Variants in ADAMTS17 observed in about 807,000 individuals in gnomAD.
ADAMTS17 encodes the protein ADAM metallopeptidase with thrombospondin type 1 motif 17.
In ADAMTS17, 113 loss-of-function variants were observed where a neutral mutation model predicts 141.5. The observed-to-expected ratio is 0.80, with a 90% confidence interval of 0.69 to 0.93. The LOEUF (loss-of-function observed/expected upper bound fraction) is 0.93. ADAMTS17 is among the 40% of genes least tolerant of loss of function. The pLI is 0.00. For missense variants in ADAMTS17, 1,659 were observed against 1,517.9 expected (o/e 1.09, Z -1.54); for synonymous variants, 768 against 630.6 (o/e 1.22, Z -3.27).
At position 100,194,903 on chromosome 15, in the gene ADAMTS17, G is replaced by A. The variant is rs188809078; in HGVS notation, c.1181+4415C>T. ...TGTAGCCATCTTCCCATGTGCAGGG[G>A]CTGCTGCTTTCTAACGGCCACCGCA... On this transcript the variant is annotated intron_variant, in intron 8 of 21. Coordinates refer to ENST00000268070, the MANE Select transcript of ADAMTS17 (RefSeq NM_139057.4). Among the ~76,000 whole-genome samples, 60 of 152,310 alleles carry A rather than the reference G, an allele frequency of 3.9e-4. No individual in the cohort carries two copies. In the East Asian group the frequency reaches 7.1e-3, roughly 18 times the overall value.
intron 3 of ADAMTS17, among the ~76,000 whole-genome samples, chr15:100,321,953 T>C (rs778159552): frequency 1.3e-5 from 2 of 152,226 alleles, no homozygotes; most frequent in African/African-American, 2.4e-5. Context: ...AAAACATCTA[T>C]GTTCTAGGCC....
At chr15:100,185,583 C>T (rs1287623987) in intron 8 of ADAMTS17, among the ~76,000 whole-genome samples, 1 of 152,200 alleles carries the variant, frequency 6.6e-6, no homozygotes, top group Non-Finnish European at 1.5e-5. Flanking sequence ...TCAACACTTC[C>T]CATTGCTTCT....
chr15:100,087,221 TA>T (rs1169142830), intron 15 of ADAMTS17, among the ~76,000 whole-genome samples: 1 of 152,098 alleles, frequency 6.6e-6, no homozygotes, highest in Non-Finnish European at 1.5e-5. Context: ...TCTACACAAA[TA>T]AACTAGAAAA....
intron 8 of ADAMTS17, among the ~76,000 whole-genome samples, chr15:100,166,803 C>T (rs1336638013): frequency 1.3e-5 from 2 of 152,130 alleles, no homozygotes; most frequent in Non-Finnish European, 2.9e-5. Flanking sequence ...CAATTTAAGG[C>T]GTAGTTGTTC....
chr15:100,307,594 A>G (rs2045267224), intron 3 of ADAMTS17, among the ~76,000 whole-genome samples: 2 of 152,348 alleles, frequency 1.3e-5, no homozygotes, highest in South Asian at 4.1e-4. Flanking sequence ...GGGCTAAGCA[A>G]TGCAGACCTC....
chr15:100,061,470 C>G (rs1258288407), intron 15 of ADAMTS17, among the ~76,000 whole-genome samples: 3 of 152,154 alleles, frequency 2.0e-5, no homozygotes, highest in African/African-American at 7.2e-5. Flanking sequence ...GCTTCAGGAG[C>G]TGAGGGACGA....
chr15:100,112,236 C>G (rs190193921), intron 13 of ADAMTS17, among the ~76,000 whole-genome samples: 1 of 152,288 alleles, frequency 6.6e-6, no homozygotes, highest in East Asian at 1.9e-4. Flanking sequence ...GAGCCTTGCA[C>G]GAAGGAACGC....
chr15:100,134,070 T>C (rs1031095522), intron 10 of ADAMTS17, among the ~76,000 whole-genome samples: 1 of 152,216 alleles, frequency 6.6e-6, no homozygotes, highest in Non-Finnish European at 1.5e-5. Flanking sequence ...ATCAAAATCA[T>C]GAAAGCAGAC....
chr15:100,018,380 C>G (rs892899), intron 18 of ADAMTS17, among the ~76,000 whole-genome samples: 85,393 of 152,130 alleles, frequency 0.56, 27,679 homozygotes, highest in Non-Finnish European at 0.74. Context: ...GGCTCTGGGC[C>G]CTCACCCAAA....
chr15:100,228,095 G>A (rs1313001073), intron 7 of ADAMTS17, among the ~76,000 whole-genome samples: 1 of 152,148 alleles, frequency 6.6e-6, no homozygotes, highest in African/African-American at 2.4e-5. Flanking sequence ...CCTCCTTCAT[G>A]TTCCTCAAAT....
chr15:100,017,398 T>C (rs1406603975), intron 18 of ADAMTS17, among the ~76,000 whole-genome samples: 1 of 152,210 alleles, frequency 6.6e-6, no homozygotes, highest in Non-Finnish European at 1.5e-5. Flanking sequence ...CTTGCCCGGT[T>C]CAAATTATTA....
chr15:100,207,361 T>C (rs186953253), intron 7 of ADAMTS17, among the ~76,000 whole-genome samples: 6 of 152,270 alleles, frequency 3.9e-5, no homozygotes, highest in African/African-American at 1.2e-4. Context: ...GGAATAACTG[T>C]GTGCTGTGTA....
At chr15:100,175,780 C>A (rs1214112550) in intron 8 of ADAMTS17, among the ~76,000 whole-genome samples, 3 of 152,050 alleles carry the variant, frequency 2.0e-5, no homozygotes, top group Non-Finnish European at 4.4e-5. Flanking sequence ...GTGAACGGTG[C>A]CCCCGAGAGT....
At chr15:100,229,891 C>T (rs2141840642) in intron 7 of ADAMTS17, among the ~76,000 whole-genome samples, 1 of 152,328 alleles carries the variant, frequency 6.6e-6, no homozygotes, top group South Asian at 2.1e-4. Flanking sequence ...AGCACCTTCC[C>T]TGACCAGCAG....
intron 15 of ADAMTS17, among the ~76,000 whole-genome samples, chr15:100,075,462 T>C (rs988209115): frequency 6.6e-6 from 1 of 152,214 alleles, no homozygotes; most frequent in Non-Finnish European, 1.5e-5. Context: ...CTGTAACATG[T>C]TGAGGTCATA....
At chr15:100,299,992 A>C (rs2044972099) in intron 3 of ADAMTS17, among the ~76,000 whole-genome samples, 1 of 152,228 alleles carries the variant, frequency 6.6e-6, no homozygotes, top group African/African-American at 2.4e-5. Context: ...CTGAATGAAT[A>C]AGTTAATGAC....
chr15:100,260,957 G>T (rs570783980), intron 6 of ADAMTS17, among the ~76,000 whole-genome samples: 1 of 152,224 alleles, frequency 6.6e-6, no homozygotes, highest in South Asian at 2.1e-4. Flanking sequence ...TTAAAGTAAA[G>T]CAACCAAAGA....
chr15:99,998,915 A>G (rs146509135), intron 18 of ADAMTS17, among the ~76,000 whole-genome samples: 1,946 of 152,302 alleles, frequency 0.013, 48 homozygotes, highest in African/African-American at 0.043. Flanking sequence ...ACAGCCACTC[A>G]GTTCCTCCTC....
rs368758144 is a variant in ADAMTS17, at chr15:100,048,041, C to T, written c.2591+816G>A. On this transcript the variant is annotated intron_variant, in intron 18 of 21. Coordinates refer to ENST00000268070, the MANE Select transcript of ADAMTS17 (RefSeq NM_139057.4). ...AAGAGTTTGACAAAACAAAGGGGGTCGGTGCAAAAGCCAAATATGTTGTGA... is the reference window on the plus strand; with the variant it reads ...AAGAGTTTGACAAAACAAAGGGGGTTGGTGCAAAAGCCAAATATGTTGTGA... Among the ~76,000 whole-genome samples, 60 of 152,142 alleles carry T rather than the reference C, an allele frequency of 3.9e-4. 3 individuals carry two copies. The South Asian group carries it at 0.011, about 29-fold the overall frequency.
Sources: allele counts gnomAD v4.1 joint callset (sites outside exome capture counted in the v4.1 genomes callset), GRCh38; gene constraint gnomAD v4.1.1; transcripts MANE v1.5; gene names NCBI Gene and HGNC (gene_info 2026-07-23, HGNC 2026-07-21).